STAG1: variants seen among roughly 807,000 people sequenced by gnomAD.
The protein encoded by STAG1 is cohesin subunit SA-1.
Under a neutral mutation model 170.9 loss-of-function variants are expected in STAG1, and 26 were observed. The observed-to-expected ratio is 0.15, with a 90% CI of 0.11 to 0.21. The LOEUF (loss-of-function observed/expected upper bound fraction) is 0.21. Ranked by LOEUF, STAG1 falls within the 10% of genes least tolerant of loss-of-function variation. The probability of loss-of-function intolerance (pLI) is 1.00; values close to 1 mark genes in which losing one functional copy is unlikely to be tolerated. For synonymous variants in STAG1, 514 were observed against 497.7 expected, an observed-to-expected ratio of 1.03 and a Z score of -0.44; for missense variants, 964 against 1,509.5, an observed-to-expected ratio of 0.64 and a Z score of 5.99.
intron 15 of STAG1, among the ~76,000 whole-genome samples, chr3:136,435,033 A>G (rs2088414821): frequency 6.6e-6 from 1 of 152,164 alleles, no homozygotes; most frequent in African/African-American, 2.4e-5. Context: ...TCACTAATCT[A>G]TTTGTATATT....
At chr3:136,458,282 A>G (rs1326424928) in intron 13 of STAG1, among the ~76,000 whole-genome samples, 1 of 152,006 alleles carries the variant, frequency 6.6e-6, no homozygotes, top group Non-Finnish European at 1.5e-5. Context: ...TCAACCTCCC[A>G]AGTAGCTGGA....
intron 29 of STAG1, among the ~76,000 whole-genome samples, chr3:136,347,261 C>T (rs1246686626): frequency 5.3e-5 from 8 of 150,184 alleles, no homozygotes; most frequent in African/African-American, 1.5e-4. Context: ...CTGGGCGTGG[C>T]GGTGGGCACC....
chr3:136,714,907 CAAA>C (rs566097796), intron 1 of STAG1, among the ~76,000 whole-genome samples: 1 of 49,676 alleles, frequency 2.0e-5, no homozygotes, highest in Non-Finnish European at 3.8e-5. Context: ...AGCCCCATCT[CAAA>C]AAAAAAAAAA....
intron 4 of STAG1, among the ~76,000 whole-genome samples, chr3:136,572,538 A>G (rs1045697872): frequency 2.7e-5 from 4 of 150,248 alleles, no homozygotes; most frequent in African/African-American, 9.9e-5. Flanking sequence ...GTTGAGGAGG[A>G]AGCTGCAGTG....
At chr3:136,621,224 G>A (rs1014033016) in intron 3 of STAG1, among the ~76,000 whole-genome samples, 1 of 152,122 alleles carries the variant, frequency 6.6e-6, no homozygotes, top group African/African-American at 2.4e-5. Flanking sequence ...CCTGCTGGTG[G>A]GGTGGTAAAT....
At chr3:136,628,763 C>G (rs776767376) in intron 2 of STAG1, among the ~76,000 whole-genome samples, 1 of 152,204 alleles carries the variant, frequency 6.6e-6, no homozygotes, top group Admixed American at 6.5e-5. Context: ...AGAACTAAGT[C>G]TGCTCTACAT....
intron 1 of STAG1, among the ~76,000 whole-genome samples, chr3:136,688,567 T>C (rs535209196): frequency 3.2e-4 from 48 of 152,234 alleles, no homozygotes; most frequent in African/African-American, 1.1e-3. Flanking sequence ...AATTTTTATA[T>C]TTTTAGTAGA....
At chr3:136,623,439 C>A (rs1939953595) in intron 2 of STAG1, among the ~76,000 whole-genome samples, 191 bp from the exon 3 acceptor site, 1 of 151,996 alleles carries the variant, frequency 6.6e-6, no homozygotes, top group Admixed American at 6.6e-5. Flanking sequence ...TGAAATGAAT[C>A]CCCCAAATAA....
In STAG1 at chr3:136,340,623, T is replaced by C; in HGVS notation, c.3558-18A>G. On this transcript the variant is annotated intron_variant, in intron 31 of 33. Coordinates refer to ENST00000383202, the MANE Select transcript of STAG1 (RefSeq NM_005862.3). ...GACCCCGACTGGTAAGAAAAAGGTA[T>C]TGTCAGAAAGCTCATCAGACTCCAC... 2 of 1,545,110 alleles carry C rather than the reference T, an allele frequency of 1.3e-6. No homozygotes were observed. The highest frequency in any genetic ancestry group is 1.8e-6 in the Non-Finnish European group (2 of 1,117,200).
chr3:136,427,658 T>TAAAA (rs75850249), intron 16 of STAG1, among the ~76,000 whole-genome samples: 1 of 132,466 alleles, frequency 7.5e-6, no homozygotes. Context: ...AGGACCATTG[T>TAAAA]AAAAAAAAAA....
At chr3:136,589,839 G>C (rs1056910363) in intron 4 of STAG1, among the ~76,000 whole-genome samples, 11 of 151,044 alleles carry the variant, frequency 7.3e-5, no homozygotes, top group African/African-American at 2.2e-4. Context: ...GCTGAGGCAG[G>C]AGGATCGCCT....
At chr3:136,727,551 G>A (rs907508679) in intron 1 of STAG1, among the ~76,000 whole-genome samples, 2 of 152,038 alleles carry the variant, frequency 1.3e-5, no homozygotes, top group Non-Finnish European at 2.9e-5. Context: ...CAGTTCTCTC[G>A]CCCCTTTAAT....
chr3:136,443,232 A>G, intron 15 of STAG1, 55 bp downstream of exon 15: 5 of 1,237,242 alleles, frequency 4.0e-6, no homozygotes, highest in Non-Finnish European at 5.9e-6. Context: ...ATACAACTGT[A>G]TTGCTATCAA....
At chr3:136,638,515 T>C (rs1272656690) in intron 1 of STAG1, among the ~76,000 whole-genome samples, 2 of 152,206 alleles carry the variant, frequency 1.3e-5, no homozygotes, top group East Asian at 1.9e-4. Context: ...TGTTTATGGA[T>C]ATATTTATTT....
At chr3:136,526,284 T>A (rs1935022353) in intron 6 of STAG1, among the ~76,000 whole-genome samples, 1 of 152,212 alleles carries the variant, frequency 6.6e-6, no homozygotes, top group Non-Finnish European at 1.5e-5. Context: ...TGCTCCTGTA[T>A]TGGGTGAATA....
At chr3:136,673,591 A>G (rs1942040441) in intron 1 of STAG1, among the ~76,000 whole-genome samples, 1 of 152,186 alleles carries the variant, frequency 6.6e-6, no homozygotes, top group Non-Finnish European at 1.5e-5. Context: ...ATGTATGTAC[A>G]TGCCACAATC....
Position 136,603,539 on chromosome 3 carries a change from GC to G in STAG1, c.297+769del, listed in dbSNP as rs532354349. The stretch of plus-strand genomic sequence containing the variant: ...CTTACAATGCATTAGTGAGAATGGT[GC>G]TCCTGCAGAATACTTAGTATTTATG... On this transcript the variant is annotated intron_variant, in intron 4 of 33. Coordinates refer to ENST00000383202, the MANE Select transcript of STAG1 (RefSeq NM_005862.3). 1.2e-4 allele frequency among the ~76,000 whole-genome samples: 19 copies of G among 152,260 alleles called. No homozygotes were observed. In the South Asian group the frequency reaches 3.9e-3, roughly 32 times the overall value.
chr3:136,351,176 T>C (rs548575496), intron 28 of STAG1, among the ~76,000 whole-genome samples: 2 of 152,194 alleles, frequency 1.3e-5, no homozygotes, highest in African/African-American at 4.8e-5. Flanking sequence ...TCCTCCACTG[T>C]GCTTATTTTT....
chr3:136,449,958 G>A (rs1192638483), intron 14 of STAG1, among the ~76,000 whole-genome samples: 1 of 147,020 alleles, frequency 6.8e-6, no homozygotes, highest in Non-Finnish European at 1.5e-5. Flanking sequence ...CAAATGGAGC[G>A]ATCATAGCTT....
Sources: allele counts gnomAD v4.1 joint callset (sites outside exome capture counted in the v4.1 genomes callset), GRCh38; gene constraint gnomAD v4.1.1; transcripts MANE v1.5; gene names NCBI Gene and HGNC (gene_info 2026-07-23, HGNC 2026-07-21).